Variants in CDH2 observed in about 807,000 individuals in gnomAD.
CDH2 encodes cadherin-2.
A neutral mutation model predicts 92.0 loss-of-function variants in CDH2; 17 were observed. That is an observed-to-expected ratio of 0.18 (90% CI 0.13 to 0.28). The LOEUF (loss-of-function observed/expected upper bound fraction) is 0.28. Ranked by LOEUF, CDH2 falls within the 10% of genes least tolerant of loss-of-function variation. The pLI is 1.00. For synonymous variants in CDH2, 419 were observed against 415.9 expected (o/e 1.01, Z -0.09); for missense variants, 862 against 1,133.1 (o/e 0.76, Z 3.44).
chr18:28,038,534 T>C (rs2013885481), intron 2 of CDH2, among the ~76,000 whole-genome samples: 1 of 151,916 alleles, frequency 6.6e-6, no homozygotes, highest in Non-Finnish European at 1.5e-5. Flanking sequence ...AAGGCCTTAC[T>C]CTGCAGGAGC....
At position 27,933,497 on chromosome 18, in the gene CDH2, A is replaced by G. The variant is rs148567437; in HGVS notation, c.1152-373T>C. On this transcript the variant is annotated intron_variant, in intron 6 of 6. Coordinates refer to the CDH2 transcript ENST00000675173. The stretch of plus-strand genomic sequence containing the variant: ...TGAACCCCTATAGCATGTCCTGAAT[A>G]TTATGATTTTGCTACAATAAGTAGC... Among the ~76,000 whole-genome samples, 19 of 152,286 alleles carry G rather than the reference A, an allele frequency of 1.2e-4. No homozygotes were observed. In the East Asian group the frequency reaches 3.7e-3, roughly 29 times the overall value.
intron 2 of CDH2, among the ~76,000 whole-genome samples, chr18:28,134,176 G>A (rs558792732): frequency 4.0e-5 from 6 of 149,326 alleles, no homozygotes; most frequent in Admixed American, 6.7e-5. Context: ...AGGCTGAGGC[G>A]GAAGAATCAC....
intron 2 of CDH2, among the ~76,000 whole-genome samples, chr18:28,128,282 T>TA (rs1598494058): frequency 6.6e-6 from 1 of 152,214 alleles, no homozygotes; most frequent in East Asian, 1.9e-4. Context: ...TCTCATCACT[T>TA]ACATAAAGTC....
intron 14 of CDH2, among the ~76,000 whole-genome samples, chr18:27,980,366 C>T (rs1440357688): frequency 6.6e-6 from 1 of 152,050 alleles, no homozygotes; most frequent in Admixed American, 6.6e-5. Context: ...AAAGCACAGA[C>T]AAGACACCGT....
intron 6 of CDH2, among the ~76,000 whole-genome samples, chr18:27,943,520 G>A (rs952051313): frequency 4.6e-5 from 7 of 152,174 alleles, no homozygotes; most frequent in African/African-American, 1.7e-4. Context: ...CACCTTGCTG[G>A]GGTAACGCTA....
At chr18:28,133,539 G>A (rs904454585) in intron 2 of CDH2, among the ~76,000 whole-genome samples, 13 of 131,440 alleles carry the variant, frequency 9.9e-5, no homozygotes, top group East Asian at 6.8e-4. Context: ...CCGAGATTGC[G>A]CCACTGCACT....
intron 2 of CDH2, among the ~76,000 whole-genome samples, chr18:28,067,894 C>A (rs1326798065): frequency 6.6e-6 from 1 of 152,032 alleles, no homozygotes; most frequent in Non-Finnish European, 1.5e-5. Context: ...GATAAATTAT[C>A]TAGTTATAAT....
chr18:27,985,419 T>C, intron 12 of CDH2, 109 bp downstream of exon 12: 1 of 878,106 alleles, frequency 1.1e-6, no homozygotes, highest in Admixed American at 2.8e-5. Flanking sequence ...TAAGTAGCTT[T>C]TAAAATATGT....
intron 2 of CDH2, among the ~76,000 whole-genome samples, chr18:28,085,719 T>A (rs1221341268): frequency 2.0e-5 from 3 of 152,180 alleles, no homozygotes; most frequent in African/African-American, 7.2e-5. Flanking sequence ...TTGTTCTCAA[T>A]CTGGTCCCAT....
chr18:28,048,841 G>A lies in CDH2; in HGVS notation c.173-34932C>T, dbSNP rs2014132537. ...AGCAGCCTGCCATCAGACATTGGGA[G>A]TTTGATTTTCATCAATGGCAGCTGA... On this transcript the variant is annotated intron_variant, in intron 2 of 15. Coordinates refer to ENST00000269141, the MANE Select transcript of CDH2 (RefSeq NM_001792.5). Among the ~76,000 whole-genome samples the A allele has an allele frequency of 1.3e-5, 2 of 152,078 alleles. 1 individual carries two copies. The highest frequency in any genetic ancestry group is 4.1e-4 in the South Asian group (2 of 4,826).
chr18:27,997,426 A>G (rs2012617847), intron 7 of CDH2, among the ~76,000 whole-genome samples: 2 of 152,322 alleles, frequency 1.3e-5, no homozygotes, highest in South Asian at 4.2e-4. Flanking sequence ...AGAGCCACCA[A>G]ATGCATGAGT....
intron 14 of CDH2, among the ~76,000 whole-genome samples, chr18:27,964,354 A>G (rs904541324): frequency 3.3e-5 from 5 of 152,240 alleles, no homozygotes; most frequent in Non-Finnish European, 7.3e-5. Flanking sequence ...ACATCTGGAC[A>G]GGAATGTATA....
At chr18:28,079,821 C>G (rs1171410084) in intron 2 of CDH2, among the ~76,000 whole-genome samples, 2 of 152,148 alleles carry the variant, frequency 1.3e-5, no homozygotes, top group Admixed American at 1.3e-4. Context: ...AAATTCCACC[C>G]CCCCTCAGAA....
chr18:28,099,228 T>A (rs1414720800), intron 2 of CDH2, among the ~76,000 whole-genome samples: 1 of 152,174 alleles, frequency 6.6e-6, no homozygotes, highest in Non-Finnish European at 1.5e-5. Flanking sequence ...GTGTTTACAT[T>A]ATATTTTAAG....
intron 2 of CDH2, among the ~76,000 whole-genome samples, chr18:28,078,986 T>C (rs2014777762): frequency 6.6e-6 from 1 of 152,206 alleles, no homozygotes; most frequent in Non-Finnish European, 1.5e-5. Flanking sequence ...TATCTGCTTA[T>C]CTTGTTTTAC....
chr18:28,021,241 C>T (rs2013402650), intron 2 of CDH2, among the ~76,000 whole-genome samples: 1 of 151,916 alleles, frequency 6.6e-6, no homozygotes, highest in Non-Finnish European at 1.5e-5. Flanking sequence ...GTTAAAATTT[C>T]ATTTCAAAAA....
intron 5 of CDH2, among the ~76,000 whole-genome samples, chr18:28,008,329 T>C (rs1038581093): frequency 2.0e-5 from 3 of 152,198 alleles, no homozygotes; most frequent in Non-Finnish European, 4.4e-5. Context: ...TTCAGAACTA[T>C]ATGGAAAGCA....
At chr18:27,944,962 C>A (rs746487900) in intron 6 of CDH2, among the ~76,000 whole-genome samples, 7 of 152,048 alleles carry the variant, frequency 4.6e-5, no homozygotes, top group Non-Finnish European at 8.8e-5. Flanking sequence ...CTAAAACAAT[C>A]ATAAAATATA....
chr18:28,152,387 A>G (rs2016137612), intron 1 of CDH2, among the ~76,000 whole-genome samples: 1 of 152,186 alleles, frequency 6.6e-6, no homozygotes, highest in Admixed American at 6.5e-5. Flanking sequence ...CCCTGCCCTT[A>G]AGGAGCTCAA....
Sources: allele counts gnomAD v4.1 joint callset (sites outside exome capture counted in the v4.1 genomes callset), GRCh38; gene constraint gnomAD v4.1.1; transcripts MANE v1.5; gene names NCBI Gene and HGNC (gene_info 2026-07-23, HGNC 2026-07-21).